The following DPYD variants were observed in gnomAD, a reference collection of about 807,000 sequenced individuals.
The protein encoded by DPYD is dihydropyrimidine dehydrogenase [NADP(+)].
DPYD carries 109 observed loss-of-function variants against 116.2 expected under a neutral mutation model. The observed-to-expected ratio is 0.94, with a 90% CI of 0.80 to 1.10. The LOEUF is 1.10. DPYD is among the 50% of genes least tolerant of loss of function. DPYD has a pLI of 0.00. For missense variants in DPYD, 1,302 were observed against 1,254.5 expected (o/e 1.04, Z -0.57); for synonymous variants, 440 against 432.0 (o/e 1.02, Z -0.23).
chr1:97,142,987 G>T (rs532046515), intron 20 of DPYD, among the ~76,000 whole-genome samples: 12 of 151,972 alleles, frequency 7.9e-5, no homozygotes, highest in African/African-American at 2.4e-4. Flanking sequence ...GAAAAAGAAA[G>T]AAAAATTACC....
chr1:97,434,659 C>T (rs1476087696), intron 14 of DPYD, among the ~76,000 whole-genome samples: 1 of 151,930 alleles, frequency 6.6e-6, no homozygotes, highest in African/African-American at 2.4e-5. Flanking sequence ...AATGAAAATC[C>T]AGGTGAAAAG....
chr1:97,393,938 T>G (rs528369324), intron 14 of DPYD, among the ~76,000 whole-genome samples: 1 of 152,116 alleles, frequency 6.6e-6, no homozygotes. Context: ...TTTCTCCATA[T>G]CCTCTCCAGC....
chr1:97,910,764 T>C (rs1466211416), intron 1 of DPYD, among the ~76,000 whole-genome samples: 1 of 152,084 alleles, frequency 6.6e-6, no homozygotes, highest in Non-Finnish European at 1.5e-5. Context: ...AGGTTATCAG[T>C]CTACTGCTGT....
intron 18 of DPYD, among the ~76,000 whole-genome samples, chr1:97,286,432 C>T (rs575978598): frequency 1.7e-3 from 251 of 151,514 alleles, no homozygotes; most frequent in African/African-American, 6.0e-3. Context: ...ATCTTTGTGG[C>T]GTTCTCTGTA....
intron 14 of DPYD, among the ~76,000 whole-genome samples, chr1:97,404,748 T>C (rs1443315895): frequency 6.6e-6 from 1 of 152,072 alleles, no homozygotes; most frequent in Non-Finnish European, 1.5e-5. Flanking sequence ...AATCTTTGTC[T>C]TTTAATTGGC....
chr1:97,654,874 A>G lies in DPYD; in HGVS notation c.850+24221T>C, dbSNP rs546917876. 3.3e-3 allele frequency among the ~76,000 whole-genome samples: 500 copies of G among 152,264 alleles called. 28 individuals are homozygous for G. In the South Asian group the frequency reaches 0.097, roughly 30 times the overall value. ...TCCATGTGGCTGGGGAGGCCTCACAATCAGCAGCAGATGAAAAGTATGTCT... is the reference window on the plus strand; with the variant it reads ...TCCATGTGGCTGGGGAGGCCTCACAGTCAGCAGCAGATGAAAAGTATGTCT... On this transcript the variant is annotated intron_variant, in intron 8 of 22. Coordinates refer to ENST00000370192, the MANE Select transcript of DPYD (RefSeq NM_000110.4).
intron 5 of DPYD, among the ~76,000 whole-genome samples, chr1:97,714,655 C>CAAAAAAAAAAAAAAAAAAAAAAAAAAA (rs1193831747): frequency 2.0e-5 from 1 of 49,926 alleles, no homozygotes; most frequent in Non-Finnish European, 4.2e-5. Context: ...AAAGAAAAGA[C>CAAAAAAAAAAAAAAAAAAAAAAAAAAA]AAAAAAAAAA....
chr1:97,863,022 T>C (rs1263114181), intron 2 of DPYD, among the ~76,000 whole-genome samples: 1 of 151,950 alleles, frequency 6.6e-6, no homozygotes, highest in Non-Finnish European at 1.5e-5. Context: ...ATCCAAGCTG[T>C]AATCATTATT....
intron 2 of DPYD, among the ~76,000 whole-genome samples, chr1:97,839,393 C>A (rs1445556715): frequency 6.6e-6 from 1 of 152,118 alleles, no homozygotes; most frequent in East Asian, 1.9e-4. Flanking sequence ...GTTTTCCATG[C>A]TCACACAACA....
At chr1:97,894,446 T>C (rs1471705612) in intron 1 of DPYD, among the ~76,000 whole-genome samples, 2 of 151,790 alleles carry the variant, frequency 1.3e-5, no homozygotes, top group Non-Finnish European at 2.9e-5. Context: ...ATACTATTAA[T>C]ATTGGGCATC....
At chr1:97,386,130 C>T (rs1176999282) in intron 14 of DPYD, among the ~76,000 whole-genome samples, 1 of 152,046 alleles carries the variant, frequency 6.6e-6, no homozygotes, top group East Asian at 1.9e-4. Flanking sequence ...TCTGAGCAGC[C>T]AAGCACTACC....
chr1:97,646,530 C>G (rs1483204780), intron 8 of DPYD, among the ~76,000 whole-genome samples: 1 of 152,014 alleles, frequency 6.6e-6, no homozygotes, highest in Non-Finnish European at 1.5e-5. Context: ...TTTCAAAACA[C>G]TCATGGTAAT....
chr1:97,432,382 T>C (rs910853743), intron 14 of DPYD, among the ~76,000 whole-genome samples: 2 of 152,168 alleles, frequency 1.3e-5, no homozygotes, highest in East Asian at 1.9e-4. Flanking sequence ...GCCTGGTCAA[T>C]GAATTCTTCA....
At chr1:97,111,135 G>C (rs193217600) in intron 20 of DPYD, among the ~76,000 whole-genome samples, 2 of 152,102 alleles carry the variant, frequency 1.3e-5, no homozygotes, top group African/African-American at 2.4e-5. Flanking sequence ...TATGGCTCTA[G>C]TCCAAGGCTC....
intron 18 of DPYD, among the ~76,000 whole-genome samples, chr1:97,276,204 T>G (rs1465553289): frequency 6.6e-6 from 1 of 152,144 alleles, no homozygotes; most frequent in African/African-American, 2.4e-5. Context: ...TCCAGAATGG[T>G]GTTTCCTAGG....
intron 5 of DPYD, among the ~76,000 whole-genome samples, chr1:97,715,213 A>T (rs915713487): frequency 6.6e-6 from 1 of 152,044 alleles, no homozygotes; most frequent in African/African-American, 2.4e-5. Context: ...AGCATTTTTG[A>T]GTGAGATATT....
intron 13 of DPYD, among the ~76,000 whole-genome samples, chr1:97,462,545 C>T (rs1307584936): frequency 6.6e-6 from 1 of 152,084 alleles, no homozygotes; most frequent in African/African-American, 2.4e-5. Flanking sequence ...CCTCATTCTA[C>T]CCTCCTCCTT....
intron 16 of DPYD, among the ~76,000 whole-genome samples, chr1:97,350,409 C>T (rs1365481056): frequency 6.6e-6 from 1 of 152,082 alleles, no homozygotes; most frequent in Non-Finnish European, 1.5e-5. Flanking sequence ...TCTATGCTTA[C>T]AATTTATAAT....
chr1:97,823,669 A>C (rs1433798032), intron 3 of DPYD, among the ~76,000 whole-genome samples: 1 of 151,942 alleles, frequency 6.6e-6, no homozygotes, highest in Non-Finnish European at 1.5e-5. Flanking sequence ...AAATGACGGA[A>C]GCTTTTTTTT....
Sources: allele counts gnomAD v4.1 joint callset (sites outside exome capture counted in the v4.1 genomes callset), GRCh38; gene constraint gnomAD v4.1.1; transcripts MANE v1.5; gene names NCBI Gene and HGNC (gene_info 2026-07-23, HGNC 2026-07-21).